TANC2: variants seen among roughly 807,000 people sequenced by gnomAD.
TANC2 encodes the protein tetratricopeptide repeat, ankyrin repeat and coiled-coil containing 2, also known as protein TANC2.
TANC2 carries 26 observed loss-of-function variants against 210.5 expected under a neutral mutation model. The observed-to-expected ratio is 0.12, with a 90% CI of 0.09 to 0.17. The LOEUF is 0.17. TANC2 is among the 10% of genes least tolerant of loss of function. The pLI is 1.00. For synonymous variants in TANC2, 931 were observed against 967.1 expected (o/e 0.96, Z 0.69); for missense variants, 2,129 against 2,608.9 (o/e 0.82, Z 4.01).
intron 9 of TANC2, among the ~76,000 whole-genome samples, chr17:63,274,759 A>G (rs185559430): frequency 3.5e-4 from 53 of 152,290 alleles, no homozygotes; most frequent in African/African-American, 1.3e-3. Context: ...TGGAGGTTGC[A>G]GTGAGCCAAG....
intron 5 of TANC2, among the ~76,000 whole-genome samples, chr17:63,168,317 A>G (rs538220205): frequency 6.6e-6 from 1 of 152,288 alleles, no homozygotes; most frequent in Non-Finnish European, 1.5e-5. Flanking sequence ...GATTTCATAT[A>G]ATTTTGTGTG....
At chr17:63,110,213 C>G (rs1233410073) in intron 4 of TANC2, among the ~76,000 whole-genome samples, 1 of 151,632 alleles carries the variant, frequency 6.6e-6, no homozygotes, top group Non-Finnish European at 1.5e-5. Flanking sequence ...CATGGCTTTA[C>G]AGAAACTGTT....
chr17:63,388,853 T>G, intron 16 of TANC2, 96 bp downstream of exon 16: 4 of 917,028 alleles, frequency 4.4e-6, no homozygotes, highest in Non-Finnish European at 6.1e-6. Flanking sequence ...GATCTTTGAC[T>G]TGTCTTTCTT....
chr17:62,987,464 G>C (rs1451607374), intron 1 of TANC2, among the ~76,000 whole-genome samples: 3 of 152,172 alleles, frequency 2.0e-5, no homozygotes, highest in African/African-American at 7.2e-5. Context: ...GGAACTGCAT[G>C]AATTCCCTGC....
intron 21 of TANC2, among the ~76,000 whole-genome samples, chr17:63,411,284 G>A (rs118121655): frequency 0.024 from 3,727 of 152,312 alleles, 49 homozygotes; most frequent in Non-Finnish European, 0.035. Context: ...ATAGACTGTG[G>A]ATGACCCTGA....
At chr17:63,373,791 G>A (rs1360105477) in intron 14 of TANC2, among the ~76,000 whole-genome samples, 1 of 152,094 alleles carries the variant, frequency 6.6e-6, no homozygotes, top group African/African-American at 2.4e-5. Flanking sequence ...GGCCAGCCTG[G>A]CCAACATGGT....
At chr17:63,258,340 T>C (rs553988422) in intron 8 of TANC2, among the ~76,000 whole-genome samples, 1 of 152,332 alleles carries the variant, frequency 6.6e-6, no homozygotes, top group South Asian at 2.1e-4. Context: ...GGGTTAAATC[T>C]GCTTGGTGTT....
At chr17:62,977,878 T>A (rs1049980855) in intron 1 of TANC2, among the ~76,000 whole-genome samples, 7 of 152,194 alleles carry the variant, frequency 4.6e-5, no homozygotes, top group African/African-American at 1.7e-4. Context: ...TGTTTCTCTT[T>A]GCTCAAAAAT....
At chr17:63,379,304 C>G (rs2047527403) in intron 14 of TANC2, among the ~76,000 whole-genome samples, 1 of 152,112 alleles carries the variant, frequency 6.6e-6, no homozygotes, top group Non-Finnish European at 1.5e-5. Context: ...CCCAAAAAAC[C>G]AGTTGAATGA....
At chr17:62,976,138 A>G (rs2031989327) in intron 1 of TANC2, among the ~76,000 whole-genome samples, 1 of 151,916 alleles carries the variant, frequency 6.6e-6, no homozygotes, top group Non-Finnish European at 1.5e-5. Flanking sequence ...TGCTGGGCCT[A>G]CTCTTTTTAT....
chr17:63,177,280 A>AC (rs1567788874), intron 5 of TANC2, among the ~76,000 whole-genome samples: 1 of 151,534 alleles, frequency 6.6e-6, no homozygotes, highest in Non-Finnish European at 1.5e-5. Context: ...AAAAAAAAAA[A>AC]AAACACAAAA....
Position 62,972,854 on chromosome 17 carries a change from T to C in TANC2, c.-24+6105T>C, listed in dbSNP as rs80038199. Among the ~76,000 whole-genome samples, 203 of 152,252 alleles carry C rather than the reference T, an allele frequency of 1.3e-3. 2 individuals carry two copies. Among genetic ancestry groups the C allele is most frequent in the South Asian group, 0.012 (56 of 4,818 alleles). On this transcript the variant is annotated intron_variant, in intron 1 of 27. Transcript: ENST00000689528. ...TTCATGCCTTTATGAAGTTCTTTTT[T>C]TCATGGACTACTCCTGCCCTCTCCT...
chr17:63,420,365 C>A lies in TANC2; in HGVS notation c.4635C>A (p.Gly1545=), dbSNP rs986556134. The A allele has an allele frequency of 1.2e-6, 2 of 1,613,958 alleles. No individual in the cohort carries two copies. The highest frequency in any genetic ancestry group is 1.7e-6 in the Non-Finnish European group (2 of 1,179,886). Residue 1545 remains glycine, a synonymous_variant, in exon 28 of 28, where the codon GGC becomes GGA. Transcript: ENST00000689528. The surrounding 1 kb of genome is among the most constrained non-coding windows in gnomAD (Gnocchi z 4.2). Reference sequence around the variant, plus strand: ...CCTACATCTCCAGCTCACCTCTTGGCTCTCATCAGGTTTTTGACTTCCGGT... The same window carrying A: ...CCTACATCTCCAGCTCACCTCTTGGATCTCATCAGGTTTTTGACTTCCGGT...
intron 4 of TANC2, among the ~76,000 whole-genome samples, chr17:63,121,430 T>C (rs1421473535): frequency 6.6e-6 from 1 of 151,970 alleles, no homozygotes; most frequent in East Asian, 1.9e-4. Flanking sequence ...ATACTTACTT[T>C]CCCCCCATTC....
At chr17:63,242,654 A>G (rs1233730371) in intron 8 of TANC2, among the ~76,000 whole-genome samples, 1 of 152,172 alleles carries the variant, frequency 6.6e-6, no homozygotes. Flanking sequence ...TTCATTCAAA[A>G]GAAATGAAAG....
At chr17:63,291,348 T>C (rs1463603339) in intron 9 of TANC2, among the ~76,000 whole-genome samples, 1 of 152,202 alleles carries the variant, frequency 6.6e-6, no homozygotes, top group East Asian at 1.9e-4. Context: ...GCCTTCCTGT[T>C]CTACCAAAAC....
At chr17:63,315,500 G>A (rs1024586578) in intron 10 of TANC2, among the ~76,000 whole-genome samples, 1 of 152,080 alleles carries the variant, frequency 6.6e-6, no homozygotes, top group African/African-American at 2.4e-5. Flanking sequence ...CTTGAGTAAA[G>A]AAAATAAATA....
chr17:63,192,332 T>C (rs2041213238), intron 5 of TANC2, among the ~76,000 whole-genome samples: 1 of 152,230 alleles, frequency 6.6e-6, no homozygotes, highest in African/African-American at 2.4e-5. Context: ...AGAAGAATTC[T>C]TGAACTTCTT....
chr17:63,389,715 C>T, intron 17 of TANC2, 171 bp downstream of exon 17: 1 of 673,606 alleles, frequency 1.5e-6, no homozygotes, highest in Non-Finnish European at 2.6e-6. Context: ...CACTGCCATC[C>T]ATCCTGCAGG....
Sources: gnomAD v4.1 joint callset for allele counts (sites outside exome capture counted in the v4.1 genomes callset) on GRCh38, gnomAD v4.1.1 for gene constraint, Gnocchi (gnomAD v3.1) non-coding constraint, MANE v1.5 for transcripts, NCBI Gene and HGNC (gene_info 2026-07-23, HGNC 2026-07-21) for gene names.